SGCZ: variants seen among roughly 807,000 people sequenced by gnomAD.
The protein encoded by SGCZ is sarcoglycan zeta.
In SGCZ, 40 loss-of-function variants were observed where a neutral mutation model predicts 41.3. The ratio of observed to expected loss-of-function variants is 0.97; its 90% confidence interval spans 0.75 to 1.26. The LOEUF (loss-of-function observed/expected upper bound fraction) is 1.26, where lower values mean the gene tolerates loss of function less well. Among genes scored for constraint, SGCZ ranks in the 50% most tolerant of loss-of-function variants. The pLI is 0.00. For missense variants in SGCZ, 552 were observed against 369.8 expected (o/e 1.49, Z -4.04); for synonymous variants, 206 against 137.5 (o/e 1.50, Z -3.49).
At chr8:14,335,219 A>G (rs1029757066) in intron 2 of SGCZ, among the ~76,000 whole-genome samples, 1 of 152,108 alleles carries the variant, frequency 6.6e-6, no homozygotes, top group Non-Finnish European at 1.5e-5. Flanking sequence ...CTCTTAGACT[A>G]AAGAAGTCCC....
chr8:14,465,183 T>C (rs887506145), intron 2 of SGCZ, among the ~76,000 whole-genome samples: 7 of 151,760 alleles, frequency 4.6e-5, no homozygotes, highest in African/African-American at 1.7e-4. Context: ...TCACCTATTT[T>C]TGTACAACTG....
At chr8:14,647,157 G>C (rs1807248320) in intron 1 of SGCZ, among the ~76,000 whole-genome samples, 1 of 151,942 alleles carries the variant, frequency 6.6e-6, no homozygotes, top group Non-Finnish European at 1.5e-5. Context: ...TATTTTTTAA[G>C]AGAAAATGTT....
At chr8:15,181,344 G>A (rs1310938435) in intron 1 of SGCZ, among the ~76,000 whole-genome samples, 2 of 151,784 alleles carry the variant, frequency 1.3e-5, no homozygotes, top group African/African-American at 4.8e-5. Context: ...TTATACTTAA[G>A]AATAAAGATA....
chr8:14,268,835 GAAGT>G (rs905891994), intron 3 of SGCZ, among the ~76,000 whole-genome samples: 1 of 151,688 alleles, frequency 6.6e-6, no homozygotes. Flanking sequence ...CTGAATTCTT[GAAGT>G]ATGTTAAAAA....
intron 1 of SGCZ, among the ~76,000 whole-genome samples, chr8:15,010,638 G>A (rs1802791762): frequency 6.6e-6 from 1 of 152,170 alleles, no homozygotes; most frequent in Admixed American, 6.5e-5. Context: ...TCTTTTAACA[G>A]CCTGATGATG....
At chr8:14,598,382 C>T (rs997443356) in intron 1 of SGCZ, among the ~76,000 whole-genome samples, 7 of 151,924 alleles carry the variant, frequency 4.6e-5, no homozygotes, top group Admixed American at 3.3e-4. Flanking sequence ...CAAATATCTT[C>T]CTAATTGCCG....
At chr8:14,302,060 A>T (rs187267485) in intron 3 of SGCZ, among the ~76,000 whole-genome samples, 4 of 152,318 alleles carry the variant, frequency 2.6e-5, no homozygotes, top group African/African-American at 7.2e-5. Context: ...TGACCTAAAA[A>T]GTCTTCTCTT....
intron 1 of SGCZ, among the ~76,000 whole-genome samples, chr8:14,882,718 C>G (rs1804636656): frequency 6.6e-6 from 1 of 151,954 alleles, no homozygotes; most frequent in Non-Finnish European, 1.5e-5. Flanking sequence ...CAACACAACT[C>G]CTGGTAATAC....
rs1802288213 is a variant in SGCZ, at chr8:14,998,243, T to A, written c.39+239342A>T. ...TCTTTGCCTCACTCCTCAGCAAAGATAATGAATAAACCGTTAAGAATATAA... is the reference window on the plus strand; with the variant it reads ...TCTTTGCCTCACTCCTCAGCAAAGAAAATGAATAAACCGTTAAGAATATAA... On this transcript the variant is annotated intron_variant, in intron 1 of 7. Coordinates refer to ENST00000382080, the MANE Select transcript of SGCZ (RefSeq NM_139167.4). Among the ~76,000 whole-genome samples the A allele has an allele frequency of 2.0e-5, 3 of 152,170 alleles. No homozygotes were observed. In the South Asian group the frequency reaches 6.2e-4, roughly 32 times the overall value.
chr8:14,863,442 AGCC>A (rs1803821603), intron 1 of SGCZ, among the ~76,000 whole-genome samples: 1 of 152,030 alleles, frequency 6.6e-6, no homozygotes, highest in East Asian at 1.9e-4. Flanking sequence ...CTCCCACCTC[AGCC>A]TCCCAAGCAG....
intron 1 of SGCZ, among the ~76,000 whole-genome samples, chr8:14,873,413 G>T (rs1410399405): frequency 6.6e-6 from 1 of 152,046 alleles, no homozygotes; most frequent in Non-Finnish European, 1.5e-5. Context: ...TAACTTTGGA[G>T]ACTCTAGAGT....
At chr8:14,953,785 A>G (rs998247923) in intron 1 of SGCZ, among the ~76,000 whole-genome samples, 3 of 152,234 alleles carry the variant, frequency 2.0e-5, no homozygotes, top group Admixed American at 6.5e-5. Flanking sequence ...TGTTTACAAT[A>G]GTACTTGATA....
chr8:14,246,529 TG>T (rs1799097534), intron 3 of SGCZ, among the ~76,000 whole-genome samples: 2 of 151,270 alleles, frequency 1.3e-5, no homozygotes, highest in Admixed American at 1.3e-4. Context: ...CACACCAGCA[TG>T]GCACATGTAT....
intron 1 of SGCZ, among the ~76,000 whole-genome samples, chr8:14,910,781 C>T (rs1799260033): frequency 6.6e-6 from 1 of 151,914 alleles, no homozygotes; most frequent in South Asian, 2.1e-4. Context: ...TTTTATGCCT[C>T]ATAATACATT....
At chr8:14,793,631 G>C (rs1336171015) in intron 1 of SGCZ, among the ~76,000 whole-genome samples, 1 of 152,076 alleles carries the variant, frequency 6.6e-6, no homozygotes, top group Non-Finnish European at 1.5e-5. Flanking sequence ...TCTGAGATTT[G>C]TACACCCAGG....
intron 3 of SGCZ, among the ~76,000 whole-genome samples, chr8:14,268,556 T>C (rs1563223880): frequency 6.6e-6 from 1 of 151,858 alleles, no homozygotes; most frequent in Non-Finnish European, 1.5e-5. Context: ...GGTCTGCGTA[T>C]CGAAATTAGG....
chr8:14,744,563 T>C (rs985579373), intron 1 of SGCZ, among the ~76,000 whole-genome samples: 2 of 152,264 alleles, frequency 1.3e-5, no homozygotes. Flanking sequence ...TGTGGAAGGC[T>C]TGTTGGATGG....
At chr8:14,944,906 A>G (rs1336523687) in intron 1 of SGCZ, among the ~76,000 whole-genome samples, 1 of 152,100 alleles carries the variant, frequency 6.6e-6, no homozygotes, top group Non-Finnish European at 1.5e-5. Flanking sequence ...ACATTATAAC[A>G]CTTCAGACAT....
At chr8:14,091,325 G>T (rs567999170) in intron 7 of SGCZ, among the ~76,000 whole-genome samples, 1 of 152,040 alleles carries the variant, frequency 6.6e-6, no homozygotes, top group East Asian at 1.9e-4. Flanking sequence ...ATAGTAGAAT[G>T]ATTTATAATC....
Sources: allele counts gnomAD v4.1 joint callset (sites outside exome capture counted in the v4.1 genomes callset), GRCh38; gene constraint gnomAD v4.1.1; transcripts MANE v1.5; gene names NCBI Gene and HGNC (gene_info 2026-07-23, HGNC 2026-07-21).